Variants in ASXL3 observed in about 807,000 individuals in gnomAD.
The protein encoded by ASXL3 is putative Polycomb group protein ASXL3.
ASXL3 carries 34 observed loss-of-function variants against 170.6 expected under a neutral mutation model. The observed-to-expected ratio is 0.20, with a 90% CI of 0.15 to 0.27. The LOEUF is 0.27. Ranked by LOEUF, ASXL3 falls within the 10% of genes least tolerant of loss-of-function variation. The probability of loss-of-function intolerance (pLI) is 1.00; values close to 1 mark genes in which losing one functional copy is unlikely to be tolerated. For missense variants in ASXL3, 2,592 were observed against 2,695.3 expected (o/e 0.96, Z 0.85); for synonymous variants, 1,002 against 989.1 (o/e 1.01, Z -0.24).
At chr18:33,594,399 T>C (rs887314147) in intron 1 of ASXL3, among the ~76,000 whole-genome samples, 1 of 152,202 alleles carries the variant, frequency 6.6e-6, no homozygotes, top group African/African-American at 2.4e-5. Context: ...AACCTGGTTG[T>C]AAGCAGAACT....
intron 8 of ASXL3, among the ~76,000 whole-genome samples, chr18:33,690,014 A>ATTAT (rs564055319): frequency 8.7e-4 from 132 of 151,874 alleles, no homozygotes; most frequent in Middle Eastern, 3.4e-3. Context: ...TGTCTCCATT[A>ATTAT]TTATTTATTT....
At chr18:33,732,088 A>G (rs547955930) in intron 9 of ASXL3, 24 bp downstream of exon 9, 1 of 1,583,442 alleles carries the variant, frequency 6.3e-7, no homozygotes, top group South Asian at 1.1e-5. Context: ...TTCTATTATT[A>G]TGTGACATAT....
chr18:33,612,461 C>G (rs1464684552), intron 2 of ASXL3, among the ~76,000 whole-genome samples: 1 of 152,046 alleles, frequency 6.6e-6, no homozygotes, highest in African/African-American at 2.4e-5. Context: ...GTAGAACATG[C>G]ATTGACATCC....
intron 8 of ASXL3, among the ~76,000 whole-genome samples, chr18:33,729,836 C>T (rs746412599): frequency 2.0e-5 from 3 of 152,010 alleles, no homozygotes; most frequent in Non-Finnish European, 2.9e-5. Flanking sequence ...TTGTCTTGCC[C>T]TGTCAGGATG....
At chr18:33,611,738 G>T (rs2065339134) in intron 2 of ASXL3, among the ~76,000 whole-genome samples, 1 of 152,038 alleles carries the variant, frequency 6.6e-6, no homozygotes, top group Admixed American at 6.6e-5. Context: ...GTAAGTGAAA[G>T]TATTCATTTA....
intron 8 of ASXL3, among the ~76,000 whole-genome samples, chr18:33,716,646 A>C (rs2067169989): frequency 6.6e-6 from 1 of 152,152 alleles, no homozygotes; most frequent in African/African-American, 2.4e-5. Context: ...AGGAAAATTT[A>C]AAGGTTGGTT....
intron 8 of ASXL3, among the ~76,000 whole-genome samples, chr18:33,730,658 T>G (rs2067427828): frequency 6.6e-6 from 1 of 152,114 alleles, no homozygotes; most frequent in South Asian, 2.1e-4. Flanking sequence ...CCCAGGCGGG[T>G]GAAAAGCACG....
intron 2 of ASXL3, among the ~76,000 whole-genome samples, chr18:33,624,024 T>C (rs1421968038): frequency 6.6e-6 from 1 of 152,076 alleles, no homozygotes; most frequent in East Asian, 1.9e-4. Flanking sequence ...CAGGTGTGAT[T>C]GTGCATACCT....
intron 8 of ASXL3, among the ~76,000 whole-genome samples, chr18:33,723,323 G>A (rs767195016): frequency 6.6e-6 from 1 of 152,100 alleles, no homozygotes; most frequent in Non-Finnish European, 1.5e-5. Context: ...ATGCCATTAA[G>A]AACATTTGTG....
chr18:33,659,593 G>A (rs1228199915), intron 4 of ASXL3, among the ~76,000 whole-genome samples: 1 of 151,988 alleles, frequency 6.6e-6, no homozygotes, highest in African/African-American at 2.4e-5. Context: ...AAGGCTATCT[G>A]TATTATCAGT....
chr18:33,738,931 A>C lies in ASXL3; in HGVS notation c.1527A>C (p.Leu509Phe). 1 of 1,613,670 alleles carries C rather than the reference A, an allele frequency of 6.2e-7. No homozygotes were observed. Among genetic ancestry groups the C allele is most frequent in the Non-Finnish European group, 8.5e-7 (1 of 1,179,736 alleles). ...LESCVMMNDV[L>F]ETLPHIEVKI... ...CCTGTGTTATGATGAATGATGTTTT[A>C]GAAACTTTGCCTCATATTGAAGTTA... Residue 509 changes from leucine (L) to phenylalanine (F), a missense_variant, in exon 11 of 12, where the codon TTA (leucine) becomes TTC (phenylalanine). By Grantham distance (22) the Leu-to-Phe change is conservative. Coordinates refer to ENST00000269197, the MANE Select transcript of ASXL3 (RefSeq NM_030632.3).
chr18:33,592,841 T>C (rs964745937), intron 1 of ASXL3, among the ~76,000 whole-genome samples: 2 of 152,230 alleles, frequency 1.3e-5, no homozygotes, highest in African/African-American at 4.8e-5. Context: ...AATTGATTTG[T>C]AAAATCTTCC....
intron 2 of ASXL3, chr18:33,626,955 A>T (rs1182956116): frequency 6.5e-6 from 1 of 152,896 alleles, no homozygotes; most frequent in East Asian, 1.9e-4. Flanking sequence ...TTCCATGATG[A>T]TTATATTAGA....
chr18:33,644,941 C>G lies in ASXL3; in HGVS notation c.185C>G (p.Thr62Ser). The part of the protein sequence containing the change: ...ACLNAMLHTN[T>S]RIGDGTFFKI... The stretch of plus-strand genomic sequence containing the variant: ...CTGAATGCAATGCTTCACACTAACA[C>G]TCGAATAGGGGATGGAACATTCTTC... Residue 62 changes from threonine (T) to serine (S), a missense_variant, in exon 3 of 12, where the codon ACT becomes AGT. This residue lies in a region of ASXL3 where 251 missense variants were observed against 281.9 expected (regional missense o/e 0.89). Transcript: ENST00000269197. 1 of 1,584,332 alleles carries G rather than the reference C, an allele frequency of 6.3e-7. No individual in the cohort carries two copies. Among genetic ancestry groups the G allele is most frequent in the Non-Finnish European group, 8.6e-7 (1 of 1,163,740 alleles).
At chr18:33,655,954 C>T (rs565240576) in intron 4 of ASXL3, among the ~76,000 whole-genome samples, 2 of 152,074 alleles carry the variant, frequency 1.3e-5, no homozygotes, top group Admixed American at 6.6e-5. Flanking sequence ...TCTTTGAAAA[C>T]ATTTTTTAAA....
intron 8 of ASXL3, among the ~76,000 whole-genome samples, chr18:33,705,317 T>A (rs2066938585): frequency 6.6e-6 from 1 of 151,164 alleles, no homozygotes; most frequent in Non-Finnish European, 1.5e-5. Context: ...CCCACCAACT[T>A]TATATAGACC....
chr18:33,647,087 G>C (rs937247272), intron 4 of ASXL3, among the ~76,000 whole-genome samples: 1 of 151,982 alleles, frequency 6.6e-6, no homozygotes, highest in Non-Finnish European at 1.5e-5. Context: ...AGAGAAAACT[G>C]TGTAGTTAAA....
intron 5 of ASXL3, among the ~76,000 whole-genome samples, chr18:33,667,881 C>T (rs561886907): frequency 1.3e-5 from 2 of 152,264 alleles, no homozygotes; most frequent in Admixed American, 6.5e-5. Context: ...TACCATAGAA[C>T]TGAATAAGGT....
rs757762360 is a variant in ASXL3, at chr18:33,740,375, A to G, written c.2971A>G (p.Ile991Val). The change falls in exon 11 of 12, where the codon ATA becomes GTA. Residue 991 changes from isoleucine (I) to valine (V), a missense_variant. By Grantham distance (29) the Ile-to-Val change is conservative (BLOSUM62 3). Transcript: ENST00000269197. ...RIEDDQSTRN[I>V]SSSSPPEKEQ... ...AGAAGATGATCAGTCAACCCGGAAC[A>G]TATCATCTAGCAGCCCACCTGAGAA... 3 of 1,608,386 alleles carry G rather than the reference A, an allele frequency of 1.9e-6. No individual in the cohort carries two copies. Among genetic ancestry groups the G allele is most frequent in the African/African-American group, 1.3e-5 (1 of 74,534 alleles).
Sources: allele counts gnomAD v4.1 joint callset (sites outside exome capture counted in the v4.1 genomes callset), GRCh38; gene constraint gnomAD v4.1.1; regional missense constraint gnomAD v4.1.1; transcripts MANE v1.5; gene names NCBI Gene and HGNC (gene_info 2026-07-23, HGNC 2026-07-21).